Variants in ZNF19 observed in about 807,000 individuals in gnomAD.
ZNF19 encodes the protein zinc finger protein 19.
A neutral mutation model predicts 13.1 loss-of-function variants in ZNF19; 11 were observed. That is an observed-to-expected ratio of 0.84 (90% CI 0.53 to 1.39). The LOEUF (loss-of-function observed/expected upper bound fraction) is 1.39. Among genes scored for constraint, ZNF19 ranks in the 40% most tolerant of loss-of-function variants. The pLI is 0.00. For missense variants in ZNF19, 560 were observed against 547.0 expected, an observed-to-expected ratio of 1.02 and a Z score of -0.24; for synonymous variants, 186 against 187.0, an observed-to-expected ratio of 0.99 and a Z score of 0.04.
intron 1 of ZNF19, among the ~76,000 whole-genome samples, chr16:71,488,552 A>T (rs2043697387): frequency 6.6e-6 from 1 of 152,158 alleles, no homozygotes; most frequent in Non-Finnish European, 1.5e-5. Flanking sequence ...TAATCCCAGC[A>T]CTTTGGGAGG....
intron 3 of ZNF19, among the ~76,000 whole-genome samples, chr16:71,480,553 A>G (rs2043630308): frequency 6.6e-6 from 1 of 152,146 alleles, no homozygotes; most frequent in Non-Finnish European, 1.5e-5. Context: ...TTTATTACCT[A>G]CGTTATTTCT....
In ZNF19 at chr16:71,481,976, GTT is replaced by G. The variant is rs1019466916; in HGVS notation, c.33+104_33+105del. On this transcript the variant is annotated intron_variant, in intron 3 of 5. Transcript: ENST00000288177. ...GTCCTACTGGAGGGAATCAGCAGGG[GTT>G]TTCCTACTGCTTTGGCTCTAAGACT... 8.0e-6 allele frequency: 10 copies of G among 1,244,578 alleles called. No homozygotes were observed. The African/African-American group carries it at 1.3e-4, about 17-fold the overall frequency. The allele number at this position is 1,244,578 out of a possible 1,614,324, so 77.1% of individuals were successfully genotyped here. A position where few individuals can be genotyped will look rare whatever the true frequency, so the allele number is the denominator to read the frequency against.
At position 71,478,888 on chromosome 16, in the gene ZNF19, T is replaced by G; in HGVS notation, c.151A>C (p.Thr51Pro). The change falls in exon 4 of 6, where the codon ACT becomes CCT. Residue 51 changes from threonine (T) to proline (P), a missense_variant. By Grantham distance (38) the Thr-to-Pro change is conservative. Coordinates refer to ENST00000288177, the MANE Select transcript of ZNF19 (RefSeq NM_006961.4). ...AGGAAAATGGCCTTACCCAAAGCAGTCAGGTTCCCAAAATTCTCCAACATC... is the reference window on the plus strand; with the variant it reads ...AGGAAAATGGCCTTACCCAAAGCAGGCAGGTTCCCAAAATTCTCCAACATC... ...SVMLENFGNL[T>P]ALGYPVPKPA... 6.2e-7 allele frequency: 1 copy of G among 1,614,052 alleles called. No individual in the cohort carries two copies. Among genetic ancestry groups the G allele is most frequent in the Non-Finnish European group, 8.5e-7 (1 of 1,179,948 alleles).
Position 71,484,754 on chromosome 16 carries a change from A to G in ZNF19, c.-189-6T>C. 1.2e-5 allele frequency: 12 copies of G among 984,914 alleles called. No homozygotes were observed. The highest frequency in any genetic ancestry group is 1.4e-5 in the Non-Finnish European group (12 of 829,464). 61.0% of individuals were successfully genotyped at this position (984,914 alleles called of 1,614,324 possible). On this transcript the variant is annotated splice_region_variant and splice_polypyrimidine_tract_variant and intron_variant, in intron 1 of 5. Transcript: ENST00000288177. ...ACCCGGGGATCCTCAGAGACCTTGA[A>G]TAGGAAAGAAAGTATATCATTGTTT...
chr16:71,489,128 C>T, intron 1 of ZNF19, 144 bp downstream of exon 1: 1 of 527,194 alleles, frequency 1.9e-6, no homozygotes, highest in South Asian at 8.1e-5. Flanking sequence ...AGCAAACAGC[C>T]CAGGTCCCAC....
At chr16:71,480,511 T>C (rs1470029635) in intron 3 of ZNF19, among the ~76,000 whole-genome samples, 2 of 152,216 alleles carry the variant, frequency 1.3e-5, no homozygotes, top group African/African-American at 4.8e-5. Flanking sequence ...TCATCACTCA[T>C]TGCTGACAGT....
intron 4 of ZNF19, 76 bp from the exon 5 acceptor site, chr16:71,478,417 A>C: frequency 9.8e-7 from 1 of 1,021,136 alleles, no homozygotes; most frequent in South Asian, 1.3e-5. Flanking sequence ...CAGGAGTCTC[A>C]GTAAGAATAA....
At position 71,482,150 on chromosome 16, in the gene ZNF19, G is replaced by A. The variant is rs376780104; in HGVS notation, c.-29-7C>T. ...CCCTCTTAGCAGGCAAAGGCTGAGG[G>A]AAGAAACAGAGAGAACCAACAGTGA... is the stretch of plus-strand genomic sequence containing the variant. On this transcript the variant is annotated splice_region_variant and splice_polypyrimidine_tract_variant and intron_variant, in intron 2 of 5. Transcript: ENST00000288177. 6.2e-7 allele frequency: 1 copy of A among 1,613,464 alleles called. No individual in the cohort carries two copies. Among genetic ancestry groups the A allele is most frequent in the Non-Finnish European group, 8.5e-7 (1 of 1,179,760 alleles).
rs747075468 is a variant in ZNF19 at position 71,478,361 on chromosome 16, G to C, written c.161-20C>G. On this transcript the variant is annotated intron_variant, in intron 4 of 5. Transcript: ENST00000288177. ...GGTACCCTGAAAACAGGAAGAAAAT[G>C]GTACTTTTCAGCCCTGTATCTGCTG... 1 of 1,572,338 alleles carries C rather than the reference G, an allele frequency of 6.4e-7. No individual in the cohort carries two copies. The highest frequency in any genetic ancestry group is 8.7e-7 in the Non-Finnish European group (1 of 1,143,470).
In ZNF19 at chr16:71,474,491, A is replaced by C. The variant is rs912272751; in HGVS notation, c.*679T>G. The C allele has an allele frequency of 1.3e-5, 2 of 152,232 alleles. No individual in the cohort carries two copies. Among genetic ancestry groups the C allele is most frequent in the Non-Finnish European group, 2.9e-5 (2 of 68,042 alleles). 9.4% of individuals were successfully genotyped at this position (152,232 alleles called of 1,614,324 possible). A position where few individuals can be genotyped will look rare whatever the true frequency, so the allele number is the denominator to read the frequency against. ...AATGAGATTTTTGTTACAGAGCTCA[A>C]GTTGTTAGAACTTCTATCTACTAGT... On this transcript the variant is annotated 3_prime_UTR_variant, in exon 6 of 6. Coordinates refer to ENST00000288177, the MANE Select transcript of ZNF19 (RefSeq NM_006961.4).
At chr16:71,484,876 C>G (rs1407458597) in intron 1 of ZNF19, 128 bp from the exon 2 acceptor site, 2 of 276,074 alleles carry the variant, frequency 7.2e-6, no homozygotes, top group African/African-American at 2.3e-5. Flanking sequence ...ATAGAAATCA[C>G]AGATATTTTC....
intron 1 of ZNF19, among the ~76,000 whole-genome samples, chr16:71,485,555 AT>A (rs545402974): frequency 0.063 from 9,175 of 146,718 alleles, 905 homozygotes; most frequent in African/African-American, 0.21. Context: ...AACGGTGGAC[AT>A]TTTTTTTTTT....
Position 71,474,535 on chromosome 16 carries a change from G to T in ZNF19, c.*635C>A, listed in dbSNP as rs1297642373. 2 of 152,320 alleles carry T rather than the reference G, an allele frequency of 1.3e-5. No individual in the cohort carries two copies. Among genetic ancestry groups the T allele is most frequent in the Non-Finnish European group, 2.9e-5 (2 of 68,192 alleles). 9.4% of individuals were successfully genotyped at this position (152,320 alleles called of 1,614,324 possible). On this transcript the variant is annotated 3_prime_UTR_variant, in exon 6 of 6. Coordinates refer to ENST00000288177, the MANE Select transcript of ZNF19 (RefSeq NM_006961.4). ...TACTAGTGGTGTCTGATATAACCTG[G>T]GCTCTCCAGTGTTACAGTGGGCTTC... is the stretch of plus-strand genomic sequence containing the variant.
chr16:71,484,646 A>C lies in ZNF19; in HGVS notation c.-87T>G. The C allele has an allele frequency of 1.0e-6, 1 of 985,346 alleles. No homozygotes were observed. The highest frequency in any genetic ancestry group is 1.2e-6 in the Non-Finnish European group (1 of 829,938). The allele number at this position is 985,346 out of a possible 1,614,324, so 61.0% of individuals were successfully genotyped here. On this transcript the variant is annotated 5_prime_UTR_variant, in exon 2 of 6. Transcript: ENST00000288177. ...AAGTGCGTCACTACTTTGGCCTTGC[A>C]CCCAGGCTCACACGCGTACTCTCTA...
chr16:71,487,496 TAATAC>T (rs1294160796), intron 1 of ZNF19: 2 of 152,244 alleles, frequency 1.3e-5, no homozygotes, highest in Non-Finnish European at 2.9e-5. Flanking sequence ...GACAACGGAC[TAATAC>T]AATACTCATA....
At chr16:71,476,755 A>G (rs138606018) in intron 5 of ZNF19, among the ~76,000 whole-genome samples, 1 of 152,378 alleles carries the variant, frequency 6.6e-6, no homozygotes, top group East Asian at 1.9e-4. Context: ...GACACTGAAC[A>G]TTACAGACAC....
chr16:71,476,853 A>T (rs966813513), intron 5 of ZNF19, among the ~76,000 whole-genome samples: 1 of 152,228 alleles, frequency 6.6e-6, no homozygotes, highest in Non-Finnish European at 1.5e-5. Flanking sequence ...CCTAGTTCAG[A>T]GGTTCTTAAC....
At chr16:71,478,431 C>G (rs1567569876) in intron 4 of ZNF19, 90 bp from the exon 5 acceptor site, 1 of 930,258 alleles carries the variant, frequency 1.1e-6, no homozygotes, top group Non-Finnish European at 1.7e-6. Flanking sequence ...AGAATAAGAC[C>G]CACAGAAGAG....
chr16:71,482,708 T>A (rs541724585), intron 2 of ZNF19, among the ~76,000 whole-genome samples: 1 of 151,958 alleles, frequency 6.6e-6, no homozygotes, highest in Non-Finnish European at 1.5e-5. Flanking sequence ...TTTTGTCTGT[T>A]TGTTTGTTTG....
Sources: gnomAD v4.1 joint callset for allele counts (sites outside exome capture counted in the v4.1 genomes callset) on GRCh38, gnomAD v4.1.1 for gene constraint, MANE v1.5 for transcripts, NCBI Gene and HGNC (gene_info 2026-07-23, HGNC 2026-07-21) for gene names.